The following AK5 variants were observed in gnomAD, a reference collection of about 807,000 sequenced individuals.
AK5 encodes adenylate kinase 5.
Under a neutral mutation model 69.5 loss-of-function variants are expected in AK5, and 27 were observed. The observed-to-expected ratio is 0.39, with a 90% confidence interval of 0.29 to 0.54. AK5 has a LOEUF of 0.54. AK5 is among the 20% of genes least tolerant of loss of function. AK5 has a pLI of 0.71. For missense variants in AK5, 531 were observed against 700.4 expected (o/e 0.76, Z 2.73); for synonymous variants, 260 against 244.4 (o/e 1.06, Z -0.60).
At chr1:77,318,577 G>T (rs1375386862) in intron 5 of AK5, among the ~76,000 whole-genome samples, 1 of 152,144 alleles carries the variant, frequency 6.6e-6, no homozygotes, top group African/African-American at 2.4e-5. Flanking sequence ...GTCATTAGGT[G>T]CATGAGTCTC....
At chr1:77,373,310 G>A (rs1231103936) in intron 6 of AK5, among the ~76,000 whole-genome samples, 5 of 152,150 alleles carry the variant, frequency 3.3e-5, no homozygotes, top group Admixed American at 6.5e-5. Context: ...TCCTCCCAAT[G>A]CTCTAACCGT....
chr1:77,400,697 A>G (rs1233630954), intron 6 of AK5, among the ~76,000 whole-genome samples: 1 of 152,172 alleles, frequency 6.6e-6, no homozygotes, highest in Non-Finnish European at 1.5e-5. Context: ...AACAGTTCAT[A>G]AATATCACAA....
At chr1:77,367,275 A>G (rs1027636065) in intron 6 of AK5, among the ~76,000 whole-genome samples, 3 of 151,666 alleles carry the variant, frequency 2.0e-5, no homozygotes, top group African/African-American at 7.3e-5. Context: ...ATAGTGAGAT[A>G]TCTTGGGCAT....
At chr1:77,446,779 A>G (rs748076430) in intron 8 of AK5, among the ~76,000 whole-genome samples, 6 of 152,228 alleles carry the variant, frequency 3.9e-5, no homozygotes, top group Non-Finnish European at 7.3e-5. Flanking sequence ...GTGTTAGCTT[A>G]TATTTGTAAA....
chr1:77,449,451 A>G (rs771253205), intron 8 of AK5, among the ~76,000 whole-genome samples: 1 of 152,136 alleles, frequency 6.6e-6, no homozygotes, highest in Non-Finnish European at 1.5e-5. Context: ...TAGTGCCTAT[A>G]CCTCCATTGT....
intron 6 of AK5, among the ~76,000 whole-genome samples, chr1:77,409,596 C>T (rs1235171540): frequency 2.0e-5 from 3 of 151,790 alleles, no homozygotes. Flanking sequence ...ATTTGTTTTA[C>T]TCTTGTAAAT....
At position 77,366,053 on chromosome 1, in the gene AK5, A is replaced by G. The variant is rs138486383; in HGVS notation, c.891+25485A>G. On this transcript the variant is annotated intron_variant, in intron 6 of 13. Transcript: ENST00000354567. ...ACCTGTTCCCCGAAAACCTATTGAA[A>G]TAAAAATAAGAAGACTGGAAAAAAT... Among the ~76,000 whole-genome samples, 3 of 152,326 alleles carry G rather than the reference A, an allele frequency of 2.0e-5. No individual in the cohort carries two copies. In the East Asian group the frequency reaches 5.8e-4, roughly 29 times the overall value.
intron 5 of AK5, among the ~76,000 whole-genome samples, chr1:77,319,421 G>A (rs541008121): frequency 6.6e-6 from 1 of 152,260 alleles, no homozygotes; most frequent in Admixed American, 6.5e-5. Flanking sequence ...TTTATTAAGG[G>A]CTGAAACTCT....
intron 10 of AK5, among the ~76,000 whole-genome samples, chr1:77,501,032 A>G (rs1656688372): frequency 6.6e-6 from 1 of 152,180 alleles, no homozygotes; most frequent in African/African-American, 2.4e-5. Context: ...GGACAAAGAA[A>G]CCACAATGGT....
chr1:77,352,118 C>T (rs1405179382), intron 6 of AK5, among the ~76,000 whole-genome samples: 3 of 151,618 alleles, frequency 2.0e-5, no homozygotes, highest in African/African-American at 7.3e-5. Context: ...TTAGTAGAGA[C>T]TGGGTTTCAC....
At chr1:77,349,931 T>C (rs947289251) in intron 6 of AK5, among the ~76,000 whole-genome samples, 3 of 152,196 alleles carry the variant, frequency 2.0e-5, no homozygotes, top group African/African-American at 7.2e-5. Flanking sequence ...CCTTTTATAG[T>C]CATTCATTCA....
At chr1:77,283,842 C>T (rs1779173) in intron 1 of AK5, among the ~76,000 whole-genome samples, 90,259 of 151,920 alleles carry the variant, frequency 0.59, 27,243 homozygotes, top group Middle Eastern at 0.7. Flanking sequence ...TTCATTTCTA[C>T]GCTTCTAAAA....
intron 5 of AK5, among the ~76,000 whole-genome samples, chr1:77,339,171 T>C (rs1661518741): frequency 6.6e-6 from 1 of 152,256 alleles, no homozygotes; most frequent in Non-Finnish European, 1.5e-5. Context: ...GCATATCATA[T>C]GTACATGCAT....
At chr1:77,398,302 G>A (rs369486367) in intron 6 of AK5, among the ~76,000 whole-genome samples, 18 of 152,220 alleles carry the variant, frequency 1.2e-4, no homozygotes, top group East Asian at 9.6e-4. Context: ...GGCTTTCAGG[G>A]TACCACTTAG....
chr1:77,323,038 A>G (rs553766553), intron 5 of AK5, among the ~76,000 whole-genome samples: 2 of 150,964 alleles, frequency 1.3e-5, no homozygotes, highest in South Asian at 2.1e-4. Context: ...CCCAGGCTGG[A>G]GTCCAGTGGC....
At chr1:77,357,415 G>A (rs1662593455) in intron 6 of AK5, among the ~76,000 whole-genome samples, 1 of 152,156 alleles carries the variant, frequency 6.6e-6, no homozygotes, top group South Asian at 2.1e-4. Context: ...CATATCACAT[G>A]AGTGTTGAAA....
chr1:77,428,511 G>C (rs1174299320), intron 8 of AK5, among the ~76,000 whole-genome samples: 1 of 152,084 alleles, frequency 6.6e-6, no homozygotes, highest in East Asian at 1.9e-4. Flanking sequence ...TCCATTATTA[G>C]GCTTATTTGT....
intron 12 of AK5, among the ~76,000 whole-genome samples, chr1:77,525,227 A>G (rs892084162): frequency 6.6e-6 from 1 of 152,136 alleles, no homozygotes; most frequent in Admixed American, 6.5e-5. Flanking sequence ...TTTTCAGCTA[A>G]TTTTTTATAT....
intron 6 of AK5, among the ~76,000 whole-genome samples, chr1:77,367,255 T>C (rs190434647): frequency 6.6e-6 from 1 of 151,900 alleles, no homozygotes; most frequent in East Asian, 1.9e-4. Context: ...TTTGGATAAT[T>C]TGCATATACA....
Sources: gnomAD v4.1 joint callset for allele counts (sites outside exome capture counted in the v4.1 genomes callset) on GRCh38, gnomAD v4.1.1 for gene constraint, MANE v1.5 for transcripts, NCBI Gene and HGNC (gene_info 2026-07-23, HGNC 2026-07-21) for gene names.